Variants in ERC1 observed in about 807,000 individuals in gnomAD.
The protein encoded by ERC1 is ELKS/RAB6-interacting/CAST family member 1, also known as RAB6 interacting protein 2.
In ERC1, 56 loss-of-function variants were observed where a neutral mutation model predicts 132.0. That is an observed-to-expected ratio of 0.42 (90% CI 0.34 to 0.53). ERC1 has a LOEUF of 0.53. Among genes scored for constraint, ERC1 ranks in the 20% least tolerant of loss-of-function variants. ERC1 has a pLI of 0.03. For synonymous variants in ERC1, 478 were observed against 476.1 expected (o/e 1.00, Z -0.05); for missense variants, 1,202 against 1,349.9 (o/e 0.89, Z 1.72).
intron 17 of ERC1, among the ~76,000 whole-genome samples, chr12:1,413,905 G>A (rs1255750047): frequency 6.6e-6 from 1 of 152,216 alleles, no homozygotes; most frequent in Non-Finnish European, 1.5e-5. Flanking sequence ...CCAGGAACCG[G>A]TTTCGTGGAA....
chr12:1,363,543 C>CTTT (rs34769986), intron 15 of ERC1, among the ~76,000 whole-genome samples: 102 of 94,340 alleles, frequency 1.1e-3, no homozygotes, highest in Non-Finnish European at 1.5e-3. Context: ...TATTTCTTTC[C>CTTT]TTTTTTTTTT....
chr12:1,449,146 A>G (rs945677487), intron 18 of ERC1, among the ~76,000 whole-genome samples: 3 of 152,176 alleles, frequency 2.0e-5, no homozygotes, highest in Non-Finnish European at 4.4e-5. Flanking sequence ...GTATTTACCC[A>G]ATGCCTGTAC....
chr12:1,428,806 A>G (rs2092713043), intron 17 of ERC1, among the ~76,000 whole-genome samples: 1 of 152,220 alleles, frequency 6.6e-6, no homozygotes, highest in Non-Finnish European at 1.5e-5. Context: ...ACAGAACTGC[A>G]TTATCAACCA....
intron 2 of ERC1, among the ~76,000 whole-genome samples, chr12:1,070,277 T>C (rs1940087219): frequency 6.6e-6 from 1 of 151,740 alleles, no homozygotes; most frequent in African/African-American, 2.4e-5. Flanking sequence ...TATCATCCCT[T>C]CTTTTTTTCT....
At chr12:1,050,971 C>T (rs1473174530) in intron 2 of ERC1, among the ~76,000 whole-genome samples, 2 of 152,052 alleles carry the variant, frequency 1.3e-5, no homozygotes, top group East Asian at 1.9e-4. Context: ...TGCCACTGCA[C>T]TCCAGCCTGG....
chr12:1,186,388 C>A lies in ERC1; in HGVS notation c.2157+2967C>A, dbSNP rs538133691. ...ATACAAAGGAACAAAATCTTTGCCT[C>A]CAGTGTATGAGTACTGAGGTTTTAA... On this transcript the variant is annotated intron_variant, in intron 11 of 18. Coordinates refer to ENST00000360905, the MANE Select transcript of ERC1 (RefSeq NM_178040.4). Among the ~76,000 whole-genome samples, 279 of 152,220 alleles carry A rather than the reference C, an allele frequency of 1.8e-3. 1 individual carries two copies. Among genetic ancestry groups the A allele is most frequent in the African/African-American group, 4.7e-3 (194 of 41,548 alleles).
chr12:1,318,933 A>G (rs776078970), intron 15 of ERC1, among the ~76,000 whole-genome samples: 12 of 152,112 alleles, frequency 7.9e-5, no homozygotes, highest in Admixed American at 2.6e-4. Flanking sequence ...TCTCCAAGTT[A>G]ACTGCCAGAA....
At chr12:1,285,903 G>C (rs7955711) in intron 14 of ERC1, among the ~76,000 whole-genome samples, 15,196 of 152,114 alleles carry the variant, frequency 0.1, 1,746 homozygotes, top group African/African-American at 0.28. Context: ...AACATAATCA[G>C]ACCAATCCAA....
At chr12:1,365,010 C>A (rs2086521741) in intron 15 of ERC1, among the ~76,000 whole-genome samples, 1 of 152,170 alleles carries the variant, frequency 6.6e-6, no homozygotes, top group South Asian at 2.1e-4. Flanking sequence ...ATTCAATGTT[C>A]TGTTTTTGCA....
chr12:1,092,259 T>A (rs1943339430), intron 3 of ERC1, among the ~76,000 whole-genome samples: 2 of 152,154 alleles, frequency 1.3e-5, no homozygotes, highest in Non-Finnish European at 2.9e-5. Context: ...GGCCTCCTAA[T>A]ATGCTGGGAT....
At chr12:1,008,648 A>T (rs1964148048) in intron 1 of ERC1, among the ~76,000 whole-genome samples, 1 of 150,924 alleles carries the variant, frequency 6.6e-6, no homozygotes, top group Non-Finnish European at 1.5e-5. Context: ...TGAAATACTA[A>T]TTTTTTTGTT....
intron 15 of ERC1, among the ~76,000 whole-genome samples, chr12:1,335,876 T>G (rs2074691453): frequency 6.6e-6 from 1 of 151,602 alleles, no homozygotes; most frequent in South Asian, 2.1e-4. Context: ...ATTTACTGTT[T>G]ATTTATTTGG....
intron 17 of ERC1, among the ~76,000 whole-genome samples, chr12:1,440,199 CTTTTT>C (rs756177628): frequency 7.0e-5 from 9 of 128,818 alleles, no homozygotes; most frequent in Admixed American, 5.4e-4. Flanking sequence ...CTTTCTTTCT[CTTTTT>C]TTTTTTTTTT....
intron 12 of ERC1, among the ~76,000 whole-genome samples, chr12:1,190,736 A>G (rs1955637435): frequency 6.6e-6 from 1 of 152,024 alleles, no homozygotes; most frequent in Non-Finnish European, 1.5e-5. Context: ...CTTCTTTTAC[A>G]CCACATATTT....
chr12:1,154,093 G>C (rs1449990703), intron 8 of ERC1, among the ~76,000 whole-genome samples: 1 of 151,872 alleles, frequency 6.6e-6, no homozygotes, highest in Non-Finnish European at 1.5e-5. Flanking sequence ...GCAGTATTTG[G>C]TTTTCCATTC....
chr12:1,192,595 C>T (rs1955845312), intron 12 of ERC1, among the ~76,000 whole-genome samples: 1 of 152,186 alleles, frequency 6.6e-6, no homozygotes, highest in Non-Finnish European at 1.5e-5. Context: ...GCCCCTTGGC[C>T]ATGGCTGTTT....
chr12:1,021,542 A>G (rs1192215011), intron 1 of ERC1, among the ~76,000 whole-genome samples: 1 of 151,834 alleles, frequency 6.6e-6, no homozygotes, highest in Non-Finnish European at 1.5e-5. Flanking sequence ...TACTAAAAAT[A>G]CAAAAAATTA....
chr12:1,360,836 A>G (rs549336703), intron 15 of ERC1, among the ~76,000 whole-genome samples: 1 of 152,316 alleles, frequency 6.6e-6, no homozygotes, highest in Admixed American at 6.5e-5. Context: ...TAATTCCAGC[A>G]CTTTGGGAGG....
chr12:1,060,288 T>A (rs9738394), intron 2 of ERC1, among the ~76,000 whole-genome samples: 5,966 of 151,798 alleles, frequency 0.039, 203 homozygotes, highest in African/African-American at 0.086. Context: ...AACTCGTCAT[T>A]TAGCATTAGG....
Sources: gnomAD v4.1 joint callset for allele counts (sites outside exome capture counted in the v4.1 genomes callset) on GRCh38, gnomAD v4.1.1 for gene constraint, MANE v1.5 for transcripts, NCBI Gene and HGNC (gene_info 2026-07-23, HGNC 2026-07-21) for gene names.